ST8SIA5: variants seen among roughly 807,000 people sequenced by gnomAD.
ST8SIA5 encodes the protein ST8 alpha-N-acetyl-neuraminide alpha-2,8-sialyltransferase 5.
In ST8SIA5, 24 loss-of-function variants were observed where a neutral mutation model predicts 40.2. That is an observed-to-expected ratio of 0.60 (90% CI 0.43 to 0.84). The LOEUF (loss-of-function observed/expected upper bound fraction) is 0.84. Ranked by LOEUF, ST8SIA5 falls within the 40% of genes least tolerant of loss-of-function variation. The probability of loss-of-function intolerance (pLI) is 0.00; values close to 1 mark genes in which losing one functional copy is unlikely to be tolerated. For synonymous variants in ST8SIA5, 198 were observed against 201.8 expected (o/e 0.98, Z 0.16); for missense variants, 465 against 498.5 (o/e 0.93, Z 0.64).
intron 1 of ST8SIA5, among the ~76,000 whole-genome samples, chr18:46,711,552 C>T (rs1378642093): frequency 6.6e-6 from 1 of 152,188 alleles, no homozygotes; most frequent in East Asian, 1.9e-4. Context: ...GCCCTTCCCC[C>T]TCCCAAAGGC....
chr18:46,756,667 G>A lies in ST8SIA5; in HGVS notation c.-159C>T. The A allele has an allele frequency of 1.2e-6, 1 of 823,702 alleles. No homozygotes were observed. 51.0% of individuals were successfully genotyped at this position (823,702 alleles called of 1,614,324 possible). A position where few individuals can be genotyped will look rare whatever the true frequency, so the allele number is the denominator to read the frequency against. On this transcript the variant is annotated 5_prime_UTR_variant, in exon 1 of 7. Coordinates refer to ENST00000315087, the MANE Select transcript of ST8SIA5 (RefSeq NM_013305.6). ...GCAAAGTTTCTGGTTGGCGCGGCCG[G>A]AGCTGGGGGCATCCAAGCGTCGCAG...
rs1043526585 is a variant in ST8SIA5 at position 46,727,749 on chromosome 18, C to A, written c.132-23085G>T. On this transcript the variant is annotated intron_variant, in intron 1 of 6. Coordinates refer to ENST00000315087, the MANE Select transcript of ST8SIA5 (RefSeq NM_013305.6). ...GAAGAGCAGAGAAAGTATTCAAGCCCAAGCCCGGCGTCAGGGCCCATGTTT... is the reference window on the plus strand; with the variant it reads ...GAAGAGCAGAGAAAGTATTCAAGCCAAAGCCCGGCGTCAGGGCCCATGTTT... Among the ~76,000 whole-genome samples, 4 of 152,222 alleles carry A rather than the reference C, an allele frequency of 2.6e-5. No homozygotes were observed. The East Asian group carries it at 7.7e-4, about 29-fold the overall frequency.
intron 1 of ST8SIA5, among the ~76,000 whole-genome samples, chr18:46,723,675 C>T (rs868553496): frequency 6.6e-6 from 1 of 152,274 alleles, no homozygotes; most frequent in Middle Eastern, 3.4e-3. Flanking sequence ...CCTGTAATCC[C>T]AGCACTTTGG....
At chr18:46,716,082 C>T (rs1223510233) in intron 1 of ST8SIA5, among the ~76,000 whole-genome samples, 1 of 104,618 alleles carries the variant, frequency 9.6e-6, no homozygotes, top group African/African-American at 3.2e-5. Context: ...TGTGGAGTCA[C>T]ACAGGATAGA....
chr18:46,755,461 C>A (rs906378409), intron 1 of ST8SIA5, among the ~76,000 whole-genome samples: 1 of 152,118 alleles, frequency 6.6e-6, no homozygotes, highest in African/African-American at 2.4e-5. Context: ...AGGGCTCTTG[C>A]CAAGAGAGGC....
At chr18:46,697,399 G>A (rs185631931) in intron 2 of ST8SIA5, among the ~76,000 whole-genome samples, 2 of 152,154 alleles carry the variant, frequency 1.3e-5, no homozygotes, top group African/African-American at 2.4e-5. Context: ...GAACTCTTGT[G>A]GGGGAGGGGT....
chr18:46,716,403 G>C (rs1051402100), intron 1 of ST8SIA5, among the ~76,000 whole-genome samples: 13 of 152,284 alleles, frequency 8.5e-5, no homozygotes, highest in Admixed American at 8.5e-4. Context: ...CTGGCCTTGG[G>C]AGGTCTTCCA....
At chr18:46,705,221 C>T (rs919975649) in intron 1 of ST8SIA5, among the ~76,000 whole-genome samples, 21 of 152,316 alleles carry the variant, frequency 1.4e-4, no homozygotes, top group African/African-American at 4.8e-4. Context: ...TCATACTGTC[C>T]GTGTAGGGCA....
In ST8SIA5 at chr18:46,680,266, G is replaced by C. The variant is rs757281538; in HGVS notation, c.907C>G (p.Leu303Val). Reference protein sequence around the residue: ...GVRAKRISTGLILVTAALELC... With the variant: ...GVRAKRISTGVILVTAALELC... Reference sequence around the variant, plus strand: ...TCCAGCGCCGCAGTGACCAGAATGAGGCCGGTGCTGATGCGCTTGGCGCGC... The same window carrying C: ...TCCAGCGCCGCAGTGACCAGAATGACGCCGGTGCTGATGCGCTTGGCGCGC... The change falls in exon 7 of 7, where the codon CTC becomes GTC. Residue 303 changes from leucine to valine, a missense_variant. Physicochemically the swap from Leu to Val is conservative, Grantham distance 32. Coordinates refer to ENST00000315087, the MANE Select transcript of ST8SIA5 (RefSeq NM_013305.6). 6.2e-7 allele frequency: 1 copy of C among 1,614,258 alleles called. No individual in the cohort carries two copies. Among genetic ancestry groups the C allele is most frequent in the South Asian group, 1.1e-5 (1 of 91,088 alleles).
chr18:46,745,834 C>T (rs890925204), intron 1 of ST8SIA5, among the ~76,000 whole-genome samples: 3 of 152,156 alleles, frequency 2.0e-5, no homozygotes, highest in Admixed American at 6.5e-5. Context: ...ACTGGCAAAT[C>T]GAATCCAGCA....
At chr18:46,714,323 C>T (rs941030772) in intron 1 of ST8SIA5, among the ~76,000 whole-genome samples, 7 of 152,192 alleles carry the variant, frequency 4.6e-5, no homozygotes, top group African/African-American at 1.4e-4. Context: ...CAGCCCGACT[C>T]CAACTCCCTT....
chr18:46,751,337 T>C (rs1169936981), intron 1 of ST8SIA5, among the ~76,000 whole-genome samples: 1 of 152,056 alleles, frequency 6.6e-6, no homozygotes, highest in Non-Finnish European at 1.5e-5. Flanking sequence ...AATATTCCAT[T>C]GTATTTTTTA....
intron 1 of ST8SIA5, among the ~76,000 whole-genome samples, chr18:46,749,934 A>G (rs1341295702): frequency 1.3e-5 from 2 of 152,164 alleles, no homozygotes; most frequent in African/African-American, 2.4e-5. Flanking sequence ...TCATCCCCAC[A>G]TGAGGAAACA....
At chr18:46,737,493 A>G (rs1206028791) in intron 1 of ST8SIA5, among the ~76,000 whole-genome samples, 2 of 152,210 alleles carry the variant, frequency 1.3e-5, no homozygotes, top group African/African-American at 2.4e-5. Context: ...TTGTTAGGAT[A>G]AAGTTTCAGG....
At chr18:46,701,140 T>TTC (rs1361962155) in intron 2 of ST8SIA5, among the ~76,000 whole-genome samples, 5 of 133,928 alleles carry the variant, frequency 3.7e-5, no homozygotes, top group Admixed American at 1.5e-4. Context: ...CTTTTTTTTT[T>TTC]TTTTTTTTTT....
intron 1 of ST8SIA5, among the ~76,000 whole-genome samples, chr18:46,715,074 C>T (rs1012634906): frequency 1.3e-5 from 2 of 152,166 alleles, no homozygotes; most frequent in South Asian, 4.1e-4. Flanking sequence ...GGGAAGCTGC[C>T]AAGTTTGTTT....
chr18:46,692,229 C>T lies in ST8SIA5; in HGVS notation c.251G>A (p.Arg84Lys). 6.2e-7 allele frequency: 1 copy of T among 1,614,114 alleles called. No individual in the cohort carries two copies. The highest frequency in any genetic ancestry group is 1.1e-5 in the South Asian group (1 of 91,080). The change falls in exon 3 of 7, where the codon AGG becomes AAG. Residue 84 changes from arginine (R) to lysine (K), a missense_variant. Transcript: ENST00000315087. ...TTTGCACATCTGGAGGCTCTTCCAC[C>T]TGTCGAACAGCTCTGACTGCTTCAC... ...SMVKQSELFD[R>K]WKSLQMCKWA...
intron 2 of ST8SIA5, among the ~76,000 whole-genome samples, chr18:46,701,685 T>C (rs944792945): frequency 6.6e-6 from 1 of 152,190 alleles, no homozygotes; most frequent in South Asian, 2.1e-4. Flanking sequence ...TTAAGTCTTG[T>C]GTACCTTGTT....
chr18:46,726,292 A>G (rs1200094690), intron 1 of ST8SIA5, among the ~76,000 whole-genome samples: 1 of 151,998 alleles, frequency 6.6e-6, no homozygotes, highest in Non-Finnish European at 1.5e-5. Context: ...AGCATCTACT[A>G]TGCATTAGGA....
Sources: allele counts gnomAD v4.1 joint callset (sites outside exome capture counted in the v4.1 genomes callset), GRCh38; gene constraint gnomAD v4.1.1; transcripts MANE v1.5; gene names NCBI Gene and HGNC (gene_info 2026-07-23, HGNC 2026-07-21).